The following RBFOX1 variants were observed in gnomAD, a reference collection of about 807,000 sequenced individuals.
RBFOX1 encodes the protein RNA binding fox-1 homolog 1.
In RBFOX1, 8 loss-of-function variants were observed where a neutral mutation model predicts 57.7. The observed-to-expected ratio is 0.14, with a 90% confidence interval of 0.08 to 0.25. The LOEUF is 0.25. RBFOX1 is among the 10% of genes least tolerant of loss of function. RBFOX1 has a pLI of 1.00. For missense variants in RBFOX1, 611 were observed against 548.5 expected, an observed-to-expected ratio of 1.11 and a Z score of -1.14; for synonymous variants, 326 against 222.4, an observed-to-expected ratio of 1.47 and a Z score of -4.15.
intron 2 of RBFOX1, among the ~76,000 whole-genome samples, chr16:6,614,343 A>G (rs1252999577): frequency 6.6e-6 from 1 of 152,214 alleles, no homozygotes; most frequent in Non-Finnish European, 1.5e-5. Flanking sequence ...ATATCATGCC[A>G]GGTATGAAGA....
At chr16:7,376,940 C>T (rs2147727388) in intron 4 of RBFOX1, among the ~76,000 whole-genome samples, 1 of 152,244 alleles carries the variant, frequency 6.6e-6, no homozygotes, top group Non-Finnish European at 1.5e-5. Context: ...TGACTGGCCT[C>T]ATACAAGAGG....
chr16:7,108,783 A>G (rs981745831), intron 4 of RBFOX1, among the ~76,000 whole-genome samples: 2 of 152,200 alleles, frequency 1.3e-5, no homozygotes, highest in Admixed American at 6.5e-5. Flanking sequence ...AGATGCATGT[A>G]TTACGAGGCT....
chr16:5,897,527 T>C, intron 4 of RBFOX1, among the ~76,000 whole-genome samples: 1 of 152,128 alleles, frequency 6.6e-6, no homozygotes, highest in East Asian at 1.9e-4. Flanking sequence ...CAAGATCACA[T>C]GGGAAAATAT....
chr16:7,324,247 A>T (rs1366524623), intron 4 of RBFOX1, among the ~76,000 whole-genome samples: 3 of 152,188 alleles, frequency 2.0e-5, no homozygotes, highest in Non-Finnish European at 4.4e-5. Flanking sequence ...AGAGAAAATA[A>T]TAGGCAGAAA....
At chr16:5,276,603 T>TA (rs1567268537) in intron 1 of RBFOX1, among the ~76,000 whole-genome samples, 5 of 151,980 alleles carry the variant, frequency 3.3e-5, no homozygotes, top group African/African-American at 1.2e-4. Flanking sequence ...ACTAACATGG[T>TA]GAAACCCCGT....
At chr16:5,878,377 G>A (rs1308581745) in intron 4 of RBFOX1, among the ~76,000 whole-genome samples, 3 of 152,182 alleles carry the variant, frequency 2.0e-5, no homozygotes, top group Non-Finnish European at 4.4e-5. Flanking sequence ...GAGTATTAAT[G>A]TAGACTTCAT....
chr16:5,344,148 C>G (rs1172743602), intron 1 of RBFOX1, among the ~76,000 whole-genome samples: 1 of 152,170 alleles, frequency 6.6e-6, no homozygotes, highest in Non-Finnish European at 1.5e-5. Context: ...TGAGTCTTTA[C>G]CTTTGGTATT....
chr16:6,448,147 CT>C (rs1378490467), intron 2 of RBFOX1, among the ~76,000 whole-genome samples: 12 of 91,406 alleles, frequency 1.3e-4, no homozygotes, highest in African/African-American at 1.7e-4. Flanking sequence ...TTTTTCTTTT[CT>C]TTTCTTTCTT....
At chr16:6,626,156 T>A (rs543129022) in intron 2 of RBFOX1, among the ~76,000 whole-genome samples, 4 of 151,322 alleles carry the variant, frequency 2.6e-5, no homozygotes, top group African/African-American at 9.8e-5. Flanking sequence ...TTTTTTTTTT[T>A]CCCAAATTGC....
chr16:6,937,688 A>G (rs1171097832), intron 3 of RBFOX1, among the ~76,000 whole-genome samples: 2 of 152,092 alleles, frequency 1.3e-5, no homozygotes, highest in African/African-American at 2.4e-5. Flanking sequence ...GTTATTGGCA[A>G]TTGGTTAAAA....
At chr16:5,825,528 T>G (rs963078303) in intron 3 of RBFOX1, among the ~76,000 whole-genome samples, 2 of 152,206 alleles carry the variant, frequency 1.3e-5, no homozygotes, top group Non-Finnish European at 2.9e-5. Context: ...TGGAAAAAAT[T>G]ATAGCATCTT....
At chr16:6,880,950 C>T (rs975898547) in intron 3 of RBFOX1, among the ~76,000 whole-genome samples, 5 of 152,242 alleles carry the variant, frequency 3.3e-5, no homozygotes, top group African/African-American at 4.8e-5. Context: ...TTAGGAGATT[C>T]AATCTAATAA....
intron 4 of RBFOX1, among the ~76,000 whole-genome samples, chr16:7,129,839 T>C (rs1382398352): frequency 1.3e-3 from 3 of 2,308 alleles, no homozygotes; most frequent in Non-Finnish European, 2.4e-3. Context: ...GGATGATGGA[T>C]GGGTGGGTGG....
chr16:7,331,948 T>A (rs1313306869), intron 4 of RBFOX1, among the ~76,000 whole-genome samples: 6 of 152,310 alleles, frequency 3.9e-5, no homozygotes, highest in Non-Finnish European at 8.8e-5. Context: ...GTATTTTTTA[T>A]CCATAGTTTT....
At chr16:5,297,921 C>G (rs979898262) in intron 1 of RBFOX1, among the ~76,000 whole-genome samples, 1 of 152,168 alleles carries the variant, frequency 6.6e-6, no homozygotes, top group Non-Finnish European at 1.5e-5. Flanking sequence ...ATGTCTTTAA[C>G]ATTTTGTATT....
chr16:6,667,960 T>A (rs1035993505), intron 3 of RBFOX1, among the ~76,000 whole-genome samples: 6 of 152,172 alleles, frequency 3.9e-5, no homozygotes, highest in African/African-American at 1.4e-4. Context: ...TTCGTCCTAC[T>A]CTTTTTTAAA....
chr16:6,558,605 T>C (rs2097136924), intron 2 of RBFOX1, among the ~76,000 whole-genome samples: 1 of 152,112 alleles, frequency 6.6e-6, no homozygotes, highest in African/African-American at 2.4e-5. Flanking sequence ...GTCCTGGGGA[T>C]ATGGCAGTTG....
At chr16:5,973,599 C>G (rs531611707) in intron 4 of RBFOX1, among the ~76,000 whole-genome samples, 1 of 152,336 alleles carries the variant, frequency 6.6e-6, no homozygotes, top group South Asian at 2.1e-4. Flanking sequence ...GTCAGGTTGA[C>G]TAGGCCATGG....
intron 2 of RBFOX1, among the ~76,000 whole-genome samples, chr16:6,569,611 T>C (rs951762807): frequency 6.6e-6 from 1 of 152,192 alleles, no homozygotes; most frequent in African/African-American, 2.4e-5. Flanking sequence ...AAATCTACTT[T>C]TCTGTTGCAG....
Sources: allele counts gnomAD v4.1 joint callset (sites outside exome capture counted in the v4.1 genomes callset), GRCh38; gene constraint gnomAD v4.1.1; transcripts MANE v1.5; gene names NCBI Gene and HGNC (gene_info 2026-07-23, HGNC 2026-07-21).